Variants in VAT1L observed in about 807,000 individuals in gnomAD.
The protein encoded by VAT1L is vesicle amine transport 1 like, also known as putative NADPH-dependent quinone oxidoreductase VAT1L.
In VAT1L, 34 loss-of-function variants were observed where a neutral mutation model predicts 44.1. That is an observed-to-expected ratio of 0.77 (90% confidence interval 0.59 to 1.03). VAT1L has a LOEUF of 1.03. Ranked by LOEUF, VAT1L falls within the 50% of genes least tolerant of loss-of-function variation. The pLI is 0.00. For missense variants in VAT1L, 615 were observed against 538.8 expected (o/e 1.14, Z -1.40); for synonymous variants, 253 against 202.2 (o/e 1.25, Z -2.13).
At chr16:77,900,189 A>G (rs1179510159) in intron 7 of VAT1L, among the ~76,000 whole-genome samples, 1 of 152,160 alleles carries the variant, frequency 6.6e-6, no homozygotes, top group African/African-American at 2.4e-5. Flanking sequence ...TAGACTGAGT[A>G]AGGTAATTTG....
chr16:77,888,206 C>G (rs2017228257), intron 7 of VAT1L, among the ~76,000 whole-genome samples: 1 of 152,206 alleles, frequency 6.6e-6, no homozygotes, highest in Admixed American at 6.5e-5. Flanking sequence ...TCCCTTTACT[C>G]CATTTGATAC....
chr16:77,844,872 A>G (rs184628422), intron 3 of VAT1L, among the ~76,000 whole-genome samples: 72 of 152,132 alleles, frequency 4.7e-4, no homozygotes, highest in African/African-American at 1.7e-3. Context: ...ATATATATAT[A>G]TGAAAGGATC....
intron 1 of VAT1L, among the ~76,000 whole-genome samples, chr16:77,803,354 A>C (rs11648930): frequency 0.044 from 6,690 of 151,738 alleles, 194 homozygotes; most frequent in Middle Eastern, 0.072. Flanking sequence ...TCTATTGGAC[A>C]TGTCTATTCA....
At chr16:77,933,774 G>A (rs1001488180) in intron 7 of VAT1L, among the ~76,000 whole-genome samples, 9 of 152,152 alleles carry the variant, frequency 5.9e-5, no homozygotes, top group African/African-American at 2.2e-4. Flanking sequence ...ACAACAATAA[G>A]GCAAATACGA....
chr16:77,926,792 GAC>G (rs1228763785), intron 7 of VAT1L, among the ~76,000 whole-genome samples: 1 of 152,110 alleles, frequency 6.6e-6, no homozygotes, highest in Non-Finnish European at 1.5e-5. Context: ...CCAGCACTGA[GAC>G]ACAGACATGT....
At chr16:77,898,076 ATCTTTGGCAT>A (rs1317917706) in intron 7 of VAT1L, among the ~76,000 whole-genome samples, 4 of 152,224 alleles carry the variant, frequency 2.6e-5, no homozygotes, top group East Asian at 3.9e-4. Context: ...AGGTCTGGCA[ATCTTTGGCAT>A]TCTTTGGCTT....
At chr16:77,799,900 G>A (rs1447913978) in intron 1 of VAT1L, 1 of 152,136 alleles carries the variant, frequency 6.6e-6, no homozygotes, top group Non-Finnish European at 1.5e-5. Flanking sequence ...GCCAAGCATG[G>A]TGCTTGGTTC....
chr16:77,892,549 G>T, intron 7 of VAT1L: 2 of 592,202 alleles, frequency 3.4e-6, no homozygotes, highest in South Asian at 2.8e-5. Context: ...GCCCTGGAGA[G>T]GAAGGATTTG....
intron 7 of VAT1L, among the ~76,000 whole-genome samples, chr16:77,956,700 C>G (rs934035077): frequency 6.6e-6 from 1 of 152,150 alleles, no homozygotes; most frequent in Non-Finnish European, 1.5e-5. Context: ...TGGGAGGATC[C>G]AATATATACC....
chr16:77,916,980 A>G (rs1331934827), intron 7 of VAT1L, among the ~76,000 whole-genome samples: 1 of 152,140 alleles, frequency 6.6e-6, no homozygotes, highest in African/African-American at 2.4e-5. Context: ...TTTGACTTCT[A>G]AAAAAATCAT....
intron 3 of VAT1L, among the ~76,000 whole-genome samples, chr16:77,831,698 G>T (rs370686890): frequency 6.6e-6 from 1 of 152,162 alleles, no homozygotes; most frequent in Non-Finnish European, 1.5e-5. Context: ...CACACAAAAT[G>T]TGGTTTCCTG....
intron 2 of VAT1L, among the ~76,000 whole-genome samples, chr16:77,823,355 CCTATCA>C (rs1292844258): frequency 6.6e-6 from 1 of 152,064 alleles, no homozygotes; most frequent in East Asian, 1.9e-4. Context: ...TCCTCTAAGC[CCTATCA>C]CTCATAGCAC....
At chr16:77,859,106 G>A (rs2016889541) in intron 3 of VAT1L, among the ~76,000 whole-genome samples, 1 of 150,704 alleles carries the variant, frequency 6.6e-6, no homozygotes, top group Admixed American at 6.6e-5. Context: ...CTGCATTTCA[G>A]CCTGGGCAAC....
At chr16:77,888,023 C>G (rs2017226264) in intron 7 of VAT1L, among the ~76,000 whole-genome samples, 1 of 152,182 alleles carries the variant, frequency 6.6e-6, no homozygotes, top group Non-Finnish European at 1.5e-5. Flanking sequence ...CCTTCCCTGT[C>G]TTGAGCCTTC....
intron 7 of VAT1L, among the ~76,000 whole-genome samples, chr16:77,932,109 T>TC (rs1260256698): frequency 6.7e-6 from 1 of 149,712 alleles, no homozygotes; most frequent in Non-Finnish European, 1.5e-5. Flanking sequence ...GTAATTTTTT[T>TC]TTTTTTTTTT....
intron 7 of VAT1L, among the ~76,000 whole-genome samples, chr16:77,898,966 C>T (rs1025523479): frequency 7.9e-5 from 12 of 152,318 alleles, no homozygotes; most frequent in South Asian, 4.1e-4. Context: ...GAAAGTGCCA[C>T]GCTCCAGTTA....
intron 7 of VAT1L, chr16:77,892,442 T>C: frequency 4.1e-6 from 2 of 485,126 alleles, no homozygotes; most frequent in Admixed American, 4.6e-5. Context: ...TCCCACTATG[T>C]TGGGGTTGAC....
chr16:77,876,991 TC>T (rs1471302239), intron 5 of VAT1L, among the ~76,000 whole-genome samples: 1 of 151,888 alleles, frequency 6.6e-6, no homozygotes, highest in East Asian at 2.0e-4. Context: ...GTTCTTCTTC[TC>T]CTAAACTCCT....
intron 1 of VAT1L, among the ~76,000 whole-genome samples, chr16:77,796,193 T>C (rs2015930875): frequency 6.6e-6 from 1 of 152,184 alleles, no homozygotes; most frequent in Non-Finnish European, 1.5e-5. Context: ...TATAGAACAT[T>C]CGACATATAC....
Sources: gnomAD v4.1 joint callset for allele counts (sites outside exome capture counted in the v4.1 genomes callset) on GRCh38, gnomAD v4.1.1 for gene constraint, MANE v1.5 for transcripts, NCBI Gene and HGNC (gene_info 2026-07-23, HGNC 2026-07-21) for gene names.